ATP2C1: variants seen among roughly 807,000 people sequenced by gnomAD.
The protein encoded by ATP2C1 is ATPase secretory pathway Ca2+ transporting 1.
ATP2C1 carries 31 observed loss-of-function variants against 120.5 expected under a neutral mutation model. The observed-to-expected ratio is 0.26, with a 90% CI of 0.19 to 0.35. The LOEUF (loss-of-function observed/expected upper bound fraction) is 0.35. Among genes scored for constraint, ATP2C1 ranks in the 10% least tolerant of loss-of-function variants. ATP2C1 has a pLI of 1.00. For synonymous variants in ATP2C1, 351 were observed against 358.7 expected (o/e 0.98, Z 0.24); for missense variants, 731 against 1,107.5 (o/e 0.66, Z 4.83).
At chr3:130,888,848 T>G (rs964010334) in intron 1 of ATP2C1, among the ~76,000 whole-genome samples, 2 of 152,214 alleles carry the variant, frequency 1.3e-5, no homozygotes, top group African/African-American at 4.8e-5. Flanking sequence ...TGTTAAACTT[T>G]CCAGTATGCA....
chr3:130,956,820 C>T (rs1286716812), intron 11 of ATP2C1, among the ~76,000 whole-genome samples: 1 of 152,134 alleles, frequency 6.6e-6, no homozygotes, highest in South Asian at 2.1e-4. Context: ...AAACCGAATG[C>T]TTTGTCATGT....
intron 20 of ATP2C1, among the ~76,000 whole-genome samples, chr3:130,988,696 A>T (rs757504264): frequency 3.9e-5 from 6 of 152,210 alleles, no homozygotes; most frequent in Non-Finnish European, 7.3e-5. Context: ...ATGAGGCAGA[A>T]TAGGGAATTA....
At chr3:130,896,582 T>G (rs1267654825) in intron 2 of ATP2C1, among the ~76,000 whole-genome samples, 1 of 152,180 alleles carries the variant, frequency 6.6e-6, no homozygotes, top group Non-Finnish European at 1.5e-5. Flanking sequence ...ACCTGTGCCT[T>G]TTTATTGTTC....
intron 7 of ATP2C1, 23 bp downstream of exon 7, chr3:130,940,714 G>T: frequency 6.3e-7 from 1 of 1,576,402 alleles, no homozygotes; most frequent in Non-Finnish European, 8.7e-7. Flanking sequence ...TTTTGGTATG[G>T]ATTTCTGCCC....
chr3:130,876,696 G>A (rs1374411595), intron 1 of ATP2C1, among the ~76,000 whole-genome samples: 2 of 152,024 alleles, frequency 1.3e-5, no homozygotes, highest in Non-Finnish European at 2.9e-5. Flanking sequence ...TGAATCTGTA[G>A]CTTGAGTAAT....
intron 2 of ATP2C1, among the ~76,000 whole-genome samples, chr3:130,929,610 G>T (rs1049937683): frequency 6.6e-6 from 1 of 152,174 alleles, no homozygotes; most frequent in African/African-American, 2.4e-5. Context: ...TTAAGTTTCA[G>T]TAGTGGGCAG....
At chr3:130,879,393 T>G (rs1287190603) in intron 1 of ATP2C1, among the ~76,000 whole-genome samples, 2 of 152,202 alleles carry the variant, frequency 1.3e-5, no homozygotes, top group Non-Finnish European at 2.9e-5. Context: ...TCTCTTTTTT[T>G]AATGAAATGT....
At chr3:130,892,981 G>A (rs1460036397), upstream of ATP2C1, among the ~76,000 whole-genome samples, 2 of 152,190 alleles carry the variant, frequency 1.3e-5, no homozygotes, top group East Asian at 3.8e-4. Flanking sequence ...AAGTGTCTAA[G>A]TGTTGATGGA....
At chr3:130,896,808 A>G (rs2069671822) in intron 2 of ATP2C1, among the ~76,000 whole-genome samples, 1 of 152,196 alleles carries the variant, frequency 6.6e-6, no homozygotes, top group Admixed American at 6.5e-5. Context: ...AGAGGATTAA[A>G]TGAGAAACCC....
At chr3:130,956,632 T>A (rs2060593994) in intron 11 of ATP2C1, among the ~76,000 whole-genome samples, 1 of 151,986 alleles carries the variant, frequency 6.6e-6, no homozygotes, top group South Asian at 2.1e-4. Context: ...ACTTCTTTAG[T>A]GTGGTGTCTT....
chr3:130,960,510 T>C lies in ATP2C1; in HGVS notation c.899+1169T>C, dbSNP rs537174916. ...GCTATGATTTCCTATAAGATAATTA[T>C]AACTTTCCTAGTCCAGAGAGATTTT... is the stretch of plus-strand genomic sequence containing the variant. On this transcript the variant is annotated intron_variant, in intron 12 of 27. Transcript: ENST00000510168. Among the ~76,000 whole-genome samples, 4 of 152,236 alleles carry C rather than the reference T, an allele frequency of 2.6e-5. No homozygotes were observed. The South Asian group carries it at 8.3e-4, about 31-fold the overall frequency.
At chr3:130,939,055 A>G (rs1327632285) in intron 6 of ATP2C1, among the ~76,000 whole-genome samples, 1 of 152,240 alleles carries the variant, frequency 6.6e-6, no homozygotes, top group African/African-American at 2.4e-5. Context: ...TAAAAAGCCT[A>G]GTTTCAAATT....
At chr3:130,956,701 A>T (rs2108572912) in intron 11 of ATP2C1, among the ~76,000 whole-genome samples, 1 of 152,218 alleles carries the variant, frequency 6.6e-6, no homozygotes, top group South Asian at 2.1e-4. Context: ...ATTTAGTCAA[A>T]GGGGATCCAT....
At chr3:130,863,799 G>T (rs919787615) in intron 1 of ATP2C1, among the ~76,000 whole-genome samples, 7 of 152,128 alleles carry the variant, frequency 4.6e-5, no homozygotes, top group African/African-American at 1.4e-4. Flanking sequence ...ATTTTCTCTT[G>T]CTGCTGCCAT....
chr3:130,872,274 C>T (rs2068460191), intron 1 of ATP2C1, among the ~76,000 whole-genome samples: 1 of 151,926 alleles, frequency 6.6e-6, no homozygotes, highest in Non-Finnish European at 1.5e-5. Flanking sequence ...TTTCCCTAGC[C>T]CTTACTCTGC....
At chr3:131,016,043 GTTTT>G (rs34645149) in intron 26 of ATP2C1, 6 of 1,271,074 alleles carry the variant, frequency 4.7e-6, no homozygotes, top group Admixed American at 2.2e-5. Flanking sequence ...TTTTGTTTTG[GTTTT>G]TTTTTTTAAG....
chr3:131,002,781 A>G lies in ATP2C1; in HGVS notation c.*1431A>G. 1 of 985,608 alleles carries G rather than the reference A, an allele frequency of 1.0e-6. No individual in the cohort carries two copies. Among genetic ancestry groups the G allele is most frequent in the Non-Finnish European group, 1.2e-6 (1 of 829,924 alleles). The allele number at this position is 985,608 out of a possible 1,614,324, so 61.1% of individuals were successfully genotyped here. A position where few individuals can be genotyped will look rare whatever the true frequency, so the allele number is the denominator to read the frequency against. On this transcript the variant is annotated 3_prime_UTR_variant, in exon 28 of 28. Transcript: ENST00000510168. Reference sequence around the variant, plus strand: ...TTAAACTGCAAGTGTTAGCACTGAAATATTGTCATTGATAGGGAAAATATC... The same window carrying G: ...TTAAACTGCAAGTGTTAGCACTGAAGTATTGTCATTGATAGGGAAAATATC...
Position 130,894,579 on chromosome 3 carries a change from T to G in ATP2C1, c.-180-11T>G. On this transcript the variant is annotated splice_polypyrimidine_tract_variant and intron_variant, in intron 1 of 27. Coordinates refer to ENST00000510168, the MANE Select transcript of ATP2C1 (RefSeq NM_001378687.1). The surrounding 1 kb of genome is among the most constrained non-coding windows in gnomAD (Gnocchi z 4.5). Reference sequence around the variant, plus strand: ...TCTCGTCAGCGCCGCTTCTCCTGGTTTCTCTTGCAGATGCTGCTGCTAGGG... The same window carrying G: ...TCTCGTCAGCGCCGCTTCTCCTGGTGTCTCTTGCAGATGCTGCTGCTAGGG... 1.4e-6 allele frequency: 2 copies of G among 1,458,008 alleles called. No homozygotes were observed. The highest frequency in any genetic ancestry group is 1.8e-6 in the Non-Finnish European group (2 of 1,103,554). 90.3% of individuals were successfully genotyped at this position (1,458,008 alleles called of 1,614,324 possible). A position where few individuals can be genotyped will look rare whatever the true frequency, so the allele number is the denominator to read the frequency against.
intron 5 of ATP2C1, 128 bp downstream of exon 5, chr3:130,934,839 T>A: frequency 2.8e-6 from 2 of 708,216 alleles, no homozygotes; most frequent in Non-Finnish European, 4.9e-6. Context: ...GCTTTTATTT[T>A]ATTCTTTTTG....
Sources: allele counts gnomAD v4.1 joint callset (sites outside exome capture counted in the v4.1 genomes callset), GRCh38; gene constraint gnomAD v4.1.1; non-coding constraint Gnocchi (gnomAD v3.1); transcripts MANE v1.5; gene names NCBI Gene and HGNC (gene_info 2026-07-23, HGNC 2026-07-21).